The following ETF1 variants were observed in gnomAD, a reference collection of about 807,000 sequenced individuals.
ETF1 encodes eukaryotic peptide chain release factor subunit 1.
ETF1 carries 4 observed loss-of-function variants against 55.1 expected under a neutral mutation model. The ratio of observed to expected loss-of-function variants is 0.07; its 90% CI spans 0.04 to 0.17. The LOEUF is 0.17. ETF1 is among the 10% of genes least tolerant of loss of function. The pLI is 1.00. For synonymous variants in ETF1, 157 were observed against 182.3 expected (o/e 0.86, Z 1.12); for missense variants, 142 against 523.6 (o/e 0.27, Z 7.11).
chr5:138,515,866 G>A (rs1016788570), intron 4 of ETF1, among the ~76,000 whole-genome samples: 2 of 152,174 alleles, frequency 1.3e-5, no homozygotes, highest in Admixed American at 6.5e-5. Flanking sequence ...AAAACAGTCT[G>A]GATTGTCTAT....
At chr5:138,524,554 TAA>T (rs759157222) in intron 2 of ETF1, among the ~76,000 whole-genome samples, 1 of 138,026 alleles carries the variant, frequency 7.2e-6, no homozygotes. Context: ...CTGTGTCTCT[TAA>T]AAAAAAAAAA....
intron 2 of ETF1, chr5:138,541,647 C>T: frequency 6.6e-7 from 1 of 1,515,252 alleles, no homozygotes. Flanking sequence ...GGCTGGAAAC[C>T]AGAATGTCAA....
In ETF1 at chr5:138,510,571, G is replaced by T; in HGVS notation, c.1077C>A (p.Asp359Glu). The change falls in exon 9 of 11, where the codon GAC becomes GAA. Residue 359 changes from aspartate (D) to glutamate (E), a missense_variant. Coordinates refer to ENST00000360541, the MANE Select transcript of ETF1 (RefSeq NM_004730.4). ...EQEKDKSHFT[D>E]KETGQEHELI... ...CAAGAAAATAATCACATACCTCTTTGTCTGTGAAATGAGATTTATCCTTTT... is the reference window on the plus strand; with the variant it reads ...CAAGAAAATAATCACATACCTCTTTTTCTGTGAAATGAGATTTATCCTTTT... 1 of 1,607,494 alleles carries T rather than the reference G, an allele frequency of 6.2e-7. No individual in the cohort carries two copies. The highest frequency in any genetic ancestry group is 8.5e-7 in the Non-Finnish European group (1 of 1,174,094).
chr5:138,522,244 A>T (rs923253659), intron 2 of ETF1, among the ~76,000 whole-genome samples: 1 of 152,172 alleles, frequency 6.6e-6, no homozygotes, highest in African/African-American at 2.4e-5. Flanking sequence ...TGCAAATCAT[A>T]TTATCTCTTA....
intron 4 of ETF1, among the ~76,000 whole-genome samples, chr5:138,514,374 C>T (rs1333540170): frequency 6.6e-6 from 1 of 151,964 alleles, no homozygotes. Context: ...GGCAACATAG[C>T]GAAACACTGT....
intron 6 of ETF1, 82 bp downstream of exon 6, chr5:138,512,682 G>T: frequency 8.0e-7 from 1 of 1,250,608 alleles, no homozygotes; most frequent in Non-Finnish European, 1.1e-6. Context: ...TTAAAAAGAT[G>T]TGTCTGTTCC....
chr5:138,529,842 C>T (rs767781926), intron 2 of ETF1: 2 of 335,930 alleles, frequency 6.0e-6, no homozygotes, highest in African/African-American at 2.2e-5. Flanking sequence ...AACCTGGAAA[C>T]TCCTGGGTTC....
In ETF1 at chr5:138,506,710, T is replaced by TA. The variant is rs1764573247; in HGVS notation, c.*1594_*1595insT. 1 of 152,552 alleles carries TA rather than the reference T, an allele frequency of 6.6e-6. No individual in the cohort carries two copies. 9.4% of individuals were successfully genotyped at this position (152,552 alleles called of 1,614,324 possible). Reference sequence around the variant, plus strand: ...GAGTACAGTGTGAGAACCAGAAACTTTACATTTAAGACATACTCCCTTCAT... The same window carrying TA: ...GAGTACAGTGTGAGAACCAGAAACTTATACATTTAAGACATACTCCCTTCAT... On this transcript the variant is annotated 3_prime_UTR_variant, in exon 11 of 11. Transcript: ENST00000360541.
chr5:138,511,781 A>T (rs1764795535), intron 6 of ETF1, 177 bp from the exon 7 acceptor site: 3 of 982,074 alleles, frequency 3.1e-6, no homozygotes, highest in African/African-American at 1.7e-5. Flanking sequence ...TAAAGTGAAC[A>T]GCACTGCCAA....
intron 2 of ETF1, among the ~76,000 whole-genome samples, chr5:138,520,012 T>C (rs554854436): frequency 6.9e-6 from 1 of 144,718 alleles, no homozygotes; most frequent in African/African-American, 2.6e-5. Context: ...ATCAAACTAA[T>C]GATCCAATAT....
intron 2 of ETF1, among the ~76,000 whole-genome samples, chr5:138,534,921 G>GA (rs1197542435): frequency 9.0e-6 from 1 of 110,690 alleles, no homozygotes; most frequent in Non-Finnish European, 2.3e-5. Flanking sequence ...GGTTATAAGG[G>GA]GGGGGGTCAA....
intron 2 of ETF1, among the ~76,000 whole-genome samples, chr5:138,532,454 T>TG (rs1211930792): frequency 1.3e-5 from 2 of 152,142 alleles, no homozygotes; most frequent in Non-Finnish European, 2.9e-5. Context: ...GTGCCTAGCT[T>TG]GGAGAGCAGA....
intron 8 of ETF1, chr5:138,510,841 T>A: frequency 5.2e-6 from 4 of 763,328 alleles, no homozygotes; most frequent in Non-Finnish European, 6.4e-6. Context: ...GTCCTGGTCC[T>A]CAGCAGATGT....
rs1021367931 is a variant in ETF1, at chr5:138,507,438, C to T, written c.*867G>A. 6.6e-5 allele frequency: 10 copies of T among 152,646 alleles called. No individual in the cohort carries two copies. Among genetic ancestry groups the T allele is most frequent in the African/African-American group, 1.9e-4 (8 of 41,444 alleles). The allele number at this position is 152,646 out of a possible 1,614,324, so 9.5% of individuals were successfully genotyped here. A position where few individuals can be genotyped will look rare whatever the true frequency, so the allele number is the denominator to read the frequency against. ...AAATAAAATCCTCTTTAAATTTCTT[C>T]GCTTCCACTTAAATTGCATGTTTTA... On this transcript the variant is annotated 3_prime_UTR_variant, in exon 11 of 11. Coordinates refer to ENST00000360541, the MANE Select transcript of ETF1 (RefSeq NM_004730.4).
At chr5:138,508,512 A>C in intron 10 of ETF1, 125 bp from the exon 11 acceptor site, 1 of 1,558,368 alleles carries the variant, frequency 6.4e-7, no homozygotes, top group Non-Finnish European at 8.6e-7. Flanking sequence ...AGAGGTAATA[A>C]TAAACATGGG....
intron 2 of ETF1, chr5:138,519,111 TG>T: frequency 1.0e-6 from 1 of 984,736 alleles, no homozygotes; most frequent in Non-Finnish European, 1.2e-6. Context: ...AGAATACACT[TG>T]GAGAGATACT....
At chr5:138,526,146 A>C (rs1765463857) in intron 2 of ETF1, among the ~76,000 whole-genome samples, 1 of 152,086 alleles carries the variant, frequency 6.6e-6, no homozygotes, top group Admixed American at 6.6e-5. Context: ...GCATCATCTC[A>C]CAGTAGCCCA....
intron 4 of ETF1, among the ~76,000 whole-genome samples, chr5:138,514,246 T>C (rs1310783871): frequency 6.6e-6 from 1 of 152,068 alleles, no homozygotes; most frequent in Non-Finnish European, 1.5e-5. Context: ...ATGGATACAG[T>C]TTCAGTTTTA....
intron 2 of ETF1, among the ~76,000 whole-genome samples, chr5:138,539,841 G>T (rs150759115): frequency 1.3e-5 from 2 of 152,198 alleles, no homozygotes; most frequent in African/African-American, 4.8e-5. Flanking sequence ...ACCCATTATA[G>T]CACATTGGTT....
Sources: allele counts gnomAD v4.1 joint callset (sites outside exome capture counted in the v4.1 genomes callset), GRCh38; gene constraint gnomAD v4.1.1; transcripts MANE v1.5; gene names NCBI Gene and HGNC (gene_info 2026-07-23, HGNC 2026-07-21).